DCAF6: variants seen among roughly 807,000 people sequenced by gnomAD.
DCAF6 encodes the protein DDB1- and CUL4-associated factor 6.
In DCAF6, 54 loss-of-function variants were observed where a neutral mutation model predicts 125.1. That is an observed-to-expected ratio of 0.43 (90% CI 0.35 to 0.54). DCAF6 has a LOEUF of 0.54. Ranked by LOEUF, DCAF6 falls within the 20% of genes least tolerant of loss-of-function variation. DCAF6 has a pLI of 0.01. For synonymous variants in DCAF6, 371 were observed against 390.4 expected (o/e 0.95, Z 0.58); for missense variants, 934 against 1,161.7 (o/e 0.80, Z 2.85).
the DCAF6 span, among the ~76,000 whole-genome samples, chr1:167,873,117 G>A: frequency 6.6e-6 from 1 of 152,042 alleles, no homozygotes; most frequent in African/African-American, 2.4e-5. Flanking sequence ...TAATGTGACT[G>A]TCATGTTGGG....
chr1:167,966,255 G>GT (rs1311249666), intron 2 of DCAF6, among the ~76,000 whole-genome samples: 1 of 152,136 alleles, frequency 6.6e-6, no homozygotes, highest in Non-Finnish European at 1.5e-5. Flanking sequence ...CTGGAAGCTT[G>GT]TTTTTTTAAT....
intron 7 of DCAF6, among the ~76,000 whole-genome samples, chr1:167,997,202 A>T (rs1681850024): frequency 6.6e-6 from 1 of 152,176 alleles, no homozygotes; most frequent in African/African-American, 2.4e-5. Flanking sequence ...ATTGTTTTTA[A>T]TTTGAAGATT....
At chr1:167,995,639 A>G (rs1178839291) in intron 7 of DCAF6, among the ~76,000 whole-genome samples, 1 of 151,376 alleles carries the variant, frequency 6.6e-6, no homozygotes, top group Non-Finnish European at 1.5e-5. Flanking sequence ...AGATCACGCC[A>G]TTGCACTCCA....
At chr1:168,055,787 T>C (rs2101893991) in intron 17 of DCAF6, 1 of 744,122 alleles carries the variant, frequency 1.3e-6, no homozygotes, top group South Asian at 1.5e-5. Context: ...GTAGTTTTTT[T>C]TTCCCCATCG....
the DCAF6 span, among the ~76,000 whole-genome samples, chr1:167,925,784 T>C: frequency 4.6e-5 from 7 of 152,028 alleles, no homozygotes; most frequent in Admixed American, 3.9e-4. Context: ...CCTGACCTTG[T>C]GATCTGCCCG....
At chr1:168,057,039 A>C (rs1690961676) in intron 17 of DCAF6, among the ~76,000 whole-genome samples, 1 of 152,078 alleles carries the variant, frequency 6.6e-6, no homozygotes, top group Admixed American at 6.5e-5. Context: ...TTGGTAACTG[A>C]ATTACTTAAG....
chr1:167,951,720 A>C (rs1673978732), intron 1 of DCAF6, 80 bp from the exon 2 acceptor site: 1 of 913,662 alleles, frequency 1.1e-6, no homozygotes, highest in African/African-American at 1.7e-5. Flanking sequence ...TTCATGCCAG[A>C]TCCTAGGCTC....
chr1:167,937,242 G>A (rs1671417075), intron 1 of DCAF6: 6 of 586,880 alleles, frequency 1.0e-5, no homozygotes, highest in Non-Finnish European at 1.6e-5. Context: ...GGGCCGGGCC[G>A]TGGGCAGAAG....
chr1:167,909,573 C>A, the DCAF6 span, among the ~76,000 whole-genome samples: 1 of 151,890 alleles, frequency 6.6e-6, no homozygotes, highest in East Asian at 1.9e-4. Context: ...TTTCTTAGCT[C>A]ATCAGCTATC....
Position 168,051,065 on chromosome 1 carries a change from A to G in DCAF6, c.2300+132A>G, listed in dbSNP as rs1689862886. 9.0e-6 allele frequency: 4 copies of G among 441,992 alleles called. No individual in the cohort carries two copies. In the East Asian group the frequency reaches 9.7e-5, roughly 11 times the overall value. The allele number at this position is 441,992 out of a possible 1,614,324, so 27.4% of individuals were successfully genotyped here. A position where few individuals can be genotyped will look rare whatever the true frequency, so the allele number is the denominator to read the frequency against. Reference sequence around the variant, plus strand: ...ACTTACTGAATTCTAAGTGCTAAGCATTGTAAAGCAGGTCGCTTTCCACAA... The same window carrying G: ...ACTTACTGAATTCTAAGTGCTAAGCGTTGTAAAGCAGGTCGCTTTCCACAA... On this transcript the variant is annotated intron_variant, in intron 17 of 21. Coordinates refer to ENST00000367840, the MANE Select transcript of DCAF6 (RefSeq NM_001198956.2).
chr1:168,035,098 A>G (rs1687620011), intron 12 of DCAF6, among the ~76,000 whole-genome samples: 1 of 152,168 alleles, frequency 6.6e-6, no homozygotes, highest in South Asian at 2.1e-4. Context: ...GAAGACAGTG[A>G]AATGGAAAAA....
intron 10 of DCAF6, among the ~76,000 whole-genome samples, chr1:168,006,939 A>G (rs1033028190): frequency 2.0e-5 from 3 of 152,186 alleles, no homozygotes; most frequent in Non-Finnish European, 4.4e-5. Flanking sequence ...CTGAATGATA[A>G]TGAAGAAAGT....
At chr1:167,932,732 C>T (rs1335666342), upstream of DCAF6, among the ~76,000 whole-genome samples, 1 of 150,786 alleles carries the variant, frequency 6.6e-6, no homozygotes, top group African/African-American at 2.4e-5. Context: ...TCGCTTGAAC[C>T]CAGGAGGCCA....
intron 1 of DCAF6, among the ~76,000 whole-genome samples, chr1:167,944,643 A>G (rs1256247887): frequency 6.6e-6 from 1 of 152,094 alleles, no homozygotes; most frequent in Admixed American, 6.5e-5. Context: ...ACTTTTTAAT[A>G]GGATTGTTAG....
chr1:167,954,840 A>T lies in DCAF6; in HGVS notation c.159+2979A>T, dbSNP rs371304934. Among the ~76,000 whole-genome samples the T allele has an allele frequency of 5.9e-5, 9 of 152,250 alleles. No individual in the cohort carries two copies. The South Asian group carries it at 1.9e-3, about 32-fold the overall frequency. ...TTTGATATGTTTAACACATGTAAAC[A>T]TACACAAAGTCATCACCACATTCAT... On this transcript the variant is annotated intron_variant, in intron 2 of 21. Coordinates refer to ENST00000367840, the MANE Select transcript of DCAF6 (RefSeq NM_001198956.2).
At chr1:167,892,533 C>T in the DCAF6 span, among the ~76,000 whole-genome samples, 1 of 152,144 alleles carries the variant, frequency 6.6e-6, no homozygotes, top group Non-Finnish European at 1.5e-5. Context: ...TTGCTAAAGA[C>T]CTTGTTTTCA....
At chr1:167,937,042 T>G in intron 1 of DCAF6, 34 bp downstream of exon 1, 1 of 1,562,340 alleles carries the variant, frequency 6.4e-7, no homozygotes, top group Non-Finnish European at 8.7e-7. Flanking sequence ...GGCGCTGAGG[T>G]CGCCGCCTAG....
the DCAF6 span, among the ~76,000 whole-genome samples, chr1:167,902,796 C>G: frequency 6.6e-6 from 1 of 152,340 alleles, no homozygotes; most frequent in East Asian, 1.9e-4. Flanking sequence ...AACAAGATGG[C>G]AGGCAGAGGT....
rs1021044866 is a variant in DCAF6, at chr1:167,936,852, C to G, written c.-60C>G. 7.2e-7 allele frequency: 1 copy of G among 1,393,896 alleles called. No individual in the cohort carries two copies. Among genetic ancestry groups the G allele is most frequent in the African/African-American group, 1.4e-5 (1 of 69,708 alleles). 86.3% of individuals were successfully genotyped at this position (1,393,896 alleles called of 1,614,324 possible). A position where few individuals can be genotyped will look rare whatever the true frequency, so the allele number is the denominator to read the frequency against. ...GCTCGGGTGTTGAAACGGGTGTCCC[C>G]TCCCCCTCCTCCCCTCCCCCACGCG... is the stretch of plus-strand genomic sequence containing the variant. On this transcript the variant is annotated 5_prime_UTR_variant, in exon 1 of 22. Coordinates refer to ENST00000367840, the MANE Select transcript of DCAF6 (RefSeq NM_001198956.2).
Sources: allele counts gnomAD v4.1 joint callset (sites outside exome capture counted in the v4.1 genomes callset), GRCh38; gene constraint gnomAD v4.1.1; transcripts MANE v1.5; gene names NCBI Gene and HGNC (gene_info 2026-07-23, HGNC 2026-07-21).